The following SLC27A1 variants were observed in gnomAD, a reference collection of about 807,000 sequenced individuals.
SLC27A1 encodes the protein long-chain fatty acid transport protein 1.
In SLC27A1, 61 loss-of-function variants were observed where a neutral mutation model predicts 62.2. The ratio of observed to expected loss-of-function variants is 0.98; its 90% CI spans 0.80 to 1.21. The LOEUF is 1.21. SLC27A1 is among the 50% of genes most tolerant of loss of function. The probability of loss-of-function intolerance (pLI) is 0.00; values close to 1 mark genes in which losing one functional copy is unlikely to be tolerated. For synonymous variants in SLC27A1, 435 were observed against 408.6 expected, an observed-to-expected ratio of 1.06 and a Z score of -0.78; for missense variants, 903 against 932.1, an observed-to-expected ratio of 0.97 and a Z score of 0.41.
chr19:17,487,366 A>G (rs1364464961), intron 3 of SLC27A1, 31 bp downstream of exon 3: 1 of 1,583,268 alleles, frequency 6.3e-7, no homozygotes, highest in Non-Finnish European at 8.6e-7. Context: ...CTGCTCTATC[A>G]ACTGGTTTCC....
At position 17,486,490 on chromosome 19, in the gene SLC27A1, G is replaced by A; in HGVS notation, c.168-73G>A. The stretch of plus-strand genomic sequence containing the variant: ...CTGGCTGCCCTGGGGTCCTCCAGCG[G>A]GGAGGCTGAGGCTCCCAGAGGCCAG... On this transcript the variant is annotated intron_variant, in intron 1 of 11. Coordinates refer to ENST00000252595, the MANE Select transcript of SLC27A1 (RefSeq NM_198580.3). The surrounding 1 kb of genome is among the most constrained non-coding windows in gnomAD (Gnocchi z 6.6). 2 of 1,473,996 alleles carry A rather than the reference G, an allele frequency of 1.4e-6. No homozygotes were observed. The highest frequency in any genetic ancestry group is 1.4e-5 in the African/African-American group (1 of 71,494). The allele number at this position is 1,473,996 out of a possible 1,614,324, so 91.3% of individuals were successfully genotyped here.
At chr19:17,470,512 G>T (rs1329968055), upstream of SLC27A1, 2 of 1,513,666 alleles carry the variant, frequency 1.3e-6, no homozygotes, top group Admixed American at 4.1e-5. Context: ...GGAGCGGCCC[G>T]CGGCCTCAGC....
intron 11 of SLC27A1, among the ~76,000 whole-genome samples, chr19:17,501,933 G>T (rs2075418976): frequency 6.6e-6 from 1 of 151,756 alleles, no homozygotes; most frequent in Admixed American, 6.6e-5. Flanking sequence ...CCAACATGGT[G>T]AAACTGTGTC....
At chr19:17,495,282 C>CCT (rs1568420939) in intron 6 of SLC27A1, 1 of 81,898 alleles carries the variant, frequency 1.2e-5, no homozygotes, top group Admixed American at 1.3e-4. Context: ...GCCATGTGCC[C>CCT]ATTTTTTTTT....
At chr19:17,472,552 A>G (rs1245710025) in intron 1 of SLC27A1, among the ~76,000 whole-genome samples, 2 of 151,966 alleles carry the variant, frequency 1.3e-5, no homozygotes, top group South Asian at 4.2e-4. Context: ...TTTGAGGCAG[A>G]GTCTCACTCC....
intron 11 of SLC27A1, chr19:17,503,543 T>C (rs1249231352): frequency 5.9e-5 from 9 of 151,984 alleles, no homozygotes; most frequent in African/African-American, 2.2e-4. Context: ...TACTGCAGTC[T>C]TCTCCTCCTG....
At chr19:17,487,107 G>A in intron 2 of SLC27A1, 67 bp from the exon 3 acceptor site, 1 of 1,606,452 alleles carries the variant, frequency 6.2e-7, no homozygotes, top group Non-Finnish European at 8.5e-7. Context: ...CAGGGAGTTG[G>A]TGCATCCCAG....
In SLC27A1 at chr19:17,500,499, G is replaced by A. The variant is rs768859014; in HGVS notation, c.1338G>A (p.Glu446=). 1 of 1,613,626 alleles carries A rather than the reference G, an allele frequency of 6.2e-7. No homozygotes were observed. The highest frequency in any genetic ancestry group is 1.7e-5 in the Admixed American group (1 of 59,968). ...QGLCIPCQAG[E]PGLLVGQINQ... ...TGAACATGGCCTTCTCCCTAGGGGAGCCTGGCCTCCTTGTGGGTCAGATCA... is the reference window on the plus strand; with the variant it reads ...TGAACATGGCCTTCTCCCTAGGGGAACCTGGCCTCCTTGTGGGTCAGATCA... The change falls in exon 9 of 12, where the codon GAG becomes GAA. Residue 446 remains glutamate, a synonymous_variant. Transcript: ENST00000252595.
chr19:17,490,223 C>T (rs1054545962), intron 6 of SLC27A1: 5 of 152,134 alleles, frequency 3.3e-5, no homozygotes, highest in African/African-American at 1.2e-4. Context: ...GCTATCATGG[C>T]TCACTGCAGC....
chr19:17,492,207 G>A (rs1054478195), intron 6 of SLC27A1: 1 of 152,146 alleles, frequency 6.6e-6, no homozygotes, highest in African/African-American at 2.4e-5. Context: ...CTTGAGAATC[G>A]CTGGTCTATA....
intron 10 of SLC27A1, 39 bp downstream of exon 10, chr19:17,500,915 C>A: frequency 6.4e-7 from 1 of 1,553,920 alleles, no homozygotes; most frequent in South Asian, 1.2e-5. Flanking sequence ...GAGGCATGGT[C>A]CTGAGGGAGC....
chr19:17,505,197 C>T lies in SLC27A1; in HGVS notation c.*585C>T. 2 of 299,844 alleles carry T rather than the reference C, an allele frequency of 6.7e-6. No individual in the cohort carries two copies. Among genetic ancestry groups the T allele is most frequent in the South Asian group, 6.0e-5 (2 of 33,246 alleles). 18.6% of individuals were successfully genotyped at this position (299,844 alleles called of 1,614,324 possible). On this transcript the variant is annotated 3_prime_UTR_variant, in exon 12 of 12. Coordinates refer to ENST00000252595, the MANE Select transcript of SLC27A1 (RefSeq NM_198580.3). ...GCGTGAGCCTCTGGCCCGGCCTTTC[C>T]TTTTTCCTCTCCTCTCCTGCCGAGA...
rs1279729765 is a variant in SLC27A1, at chr19:17,495,226, C to T, written c.997-2029C>T. Among the ~76,000 whole-genome samples, 5 of 151,500 alleles carry T rather than the reference C, an allele frequency of 3.3e-5. No homozygotes were observed. In the South Asian group the frequency reaches 8.3e-4, roughly 25 times the overall value. ...CTGACCTGAAGTGATCTGCCCACCTCGGCCCCCCAAAGTGCTGGGATTACA... is the reference window on the plus strand; with the variant it reads ...CTGACCTGAAGTGATCTGCCCACCTTGGCCCCCCAAAGTGCTGGGATTACA... On this transcript the variant is annotated intron_variant, in intron 6 of 11. Coordinates refer to ENST00000252595, the MANE Select transcript of SLC27A1 (RefSeq NM_198580.3).
chr19:17,487,488 G>T lies in SLC27A1; in HGVS notation c.753G>T (p.Gly251=), dbSNP rs2075248637. Residue 251 remains glycine, a synonymous_variant, in exon 4 of 12, where the codon GGG becomes GGT. Coordinates refer to ENST00000252595, the MANE Select transcript of SLC27A1 (RefSeq NM_198580.3). The part of the protein sequence containing the change: ...DDRLFYIYTS[G]TTGLPKAAIV... ...GTCTTTTCTACATCTACACGTCGGG[G>T]ACCACCGGGCTGCCCAAGGCTGCCA... 6.2e-7 allele frequency: 1 copy of T among 1,611,234 alleles called. No individual in the cohort carries two copies. The highest frequency in any genetic ancestry group is 8.5e-7 in the Non-Finnish European group (1 of 1,179,814).
At chr19:17,480,869 C>T (rs1261327159) in intron 1 of SLC27A1, among the ~76,000 whole-genome samples, 4 of 151,018 alleles carry the variant, frequency 2.6e-5, no homozygotes, top group African/African-American at 9.7e-5. Context: ...CCCATCTTTG[C>T]GTCCGTGCGT....
At chr19:17,495,504 G>C (rs546575122) in intron 6 of SLC27A1, 5 of 148,310 alleles carry the variant, frequency 3.4e-5, no homozygotes, top group African/African-American at 1.3e-4. Flanking sequence ...GGATGGTCTC[G>C]ATCTCCTGAC....
At position 17,487,459 on chromosome 19, in the gene SLC27A1, G is replaced by A. The variant is rs768240965; in HGVS notation, c.725-1G>A. ...ACCCCTAACACCTGTATCTCCTGCA[G>A]ATCGTCTTTTCTACATCTACACGTC... On this transcript the variant is annotated splice_acceptor_variant, in intron 3 of 11. Coordinates refer to ENST00000252595, the MANE Select transcript of SLC27A1 (RefSeq NM_198580.3). LOFTEE classifies it high-confidence loss of function. The A allele has an allele frequency of 6.3e-7, 1 of 1,589,602 alleles. No homozygotes were observed. The highest frequency in any genetic ancestry group is 1.8e-5 in the Admixed American group (1 of 56,186).
At chr19:17,470,912 G>A (rs577909646) in intron 1 of SLC27A1, among the ~76,000 whole-genome samples, 31 of 151,368 alleles carry the variant, frequency 2.0e-4, no homozygotes, top group African/African-American at 7.5e-4. Flanking sequence ...GGGGCTACAG[G>A]GGACACTTTA....
intron 1 of SLC27A1, among the ~76,000 whole-genome samples, chr19:17,483,210 T>C (rs181696312): frequency 2.6e-5 from 4 of 152,100 alleles, no homozygotes; most frequent in Non-Finnish European, 5.9e-5. Flanking sequence ...GCACAAGGCT[T>C]TGATGGGGAG....
Sources: gnomAD v4.1 joint callset for allele counts (sites outside exome capture counted in the v4.1 genomes callset) on GRCh38, gnomAD v4.1.1 for gene constraint, Gnocchi (gnomAD v3.1) non-coding constraint, MANE v1.5 for transcripts, NCBI Gene and HGNC (gene_info 2026-07-23, HGNC 2026-07-21) for gene names.